BOD1L1: variants seen among roughly 807,000 people sequenced by gnomAD.
BOD1L1 encodes the protein biorientation of chromosomes in cell division 1 like 1.
BOD1L1 carries 86 observed loss-of-function variants against 240.7 expected under a neutral mutation model. The ratio of observed to expected loss-of-function variants is 0.36; its 90% confidence interval spans 0.30 to 0.43. The LOEUF is 0.43. Ranked by LOEUF, BOD1L1 falls within the 20% of genes least tolerant of loss-of-function variation. The pLI is 1.00. For missense variants in BOD1L1, 3,554 were observed against 3,643.5 expected (o/e 0.98, Z 0.63); for synonymous variants, 1,268 against 1,272.3 (o/e 1.00, Z 0.07).
chr4:13,582,336 A>G (rs768252476), intron 18 of BOD1L1, 26 bp from the exon 19 acceptor site: 1 of 1,589,804 alleles, frequency 6.3e-7, no homozygotes, highest in Admixed American at 1.7e-5. Flanking sequence ...AACTTTGTTC[A>G]ATGCTAGTGA....
chr4:13,572,439 T>C (rs766721195), intron 25 of BOD1L1, among the ~76,000 whole-genome samples: 1 of 152,204 alleles, frequency 6.6e-6, no homozygotes, highest in Non-Finnish European at 1.5e-5. Flanking sequence ...GCCTTGCCTT[T>C]GGTCTTGGTG....
chr4:13,600,891 C>T lies in BOD1L1; in HGVS notation c.6009G>A (p.Leu2003=). 1 of 1,613,950 alleles carries T rather than the reference C, an allele frequency of 6.2e-7. No homozygotes were observed. Among genetic ancestry groups the T allele is most frequent in the Admixed American group, 1.7e-5 (1 of 60,002 alleles). Residue 2003 remains leucine (L), a synonymous_variant, in exon 10 of 26, where the codon CTG becomes CTA. Transcript: ENST00000040738. ...CAAGAACATCGTAACTACCCCCGACCAGGCCAGTGGAAATAGTGGTATCTT... is the reference window on the plus strand; with the variant it reads ...CAAGAACATCGTAACTACCCCCGACTAGGCCAGTGGAAATAGTGGTATCTT... ...KVEDTTISTG[L]VGGSYDVLVS... is the part of the protein sequence containing the mutation.
intron 12 of BOD1L1, among the ~76,000 whole-genome samples, chr4:13,595,427 G>A (rs1714539982): frequency 6.6e-6 from 1 of 152,144 alleles, no homozygotes; most frequent in South Asian, 2.1e-4. Context: ...TACAAGCTGA[G>A]AGCAGTATCT....
chr4:13,625,405 G>A (rs2109005777), intron 1 of BOD1L1: 1 of 152,284 alleles, frequency 6.6e-6, no homozygotes, highest in East Asian at 1.9e-4. Flanking sequence ...CAGAGATACT[G>A]TGCTTCCCTC....
chr4:13,577,330 C>A, intron 24 of BOD1L1, 73 bp downstream of exon 24: 1 of 1,296,872 alleles, frequency 7.7e-7, no homozygotes, highest in South Asian at 1.4e-5. Flanking sequence ...GATTTTTCCT[C>A]ATTCAAAGAA....
In BOD1L1 at chr4:13,603,340, G is replaced by C. The variant is rs1715386489; in HGVS notation, c.3560C>G (p.Thr1187Arg). ...TAPAYKPGRG[T>R]GVNSNSEKHA... Reference sequence around the variant, plus strand: ...CTTTTCAGAATTACTATTAACTCCTGTTCCACGGCCTGGCTTATAAGCTGG... The same window carrying C: ...CTTTTCAGAATTACTATTAACTCCTCTTCCACGGCCTGGCTTATAAGCTGG... Residue 1187 changes from threonine (T) to arginine (R), a missense_variant, in exon 10 of 26, where the codon ACA (threonine) becomes AGA (arginine). Coordinates refer to ENST00000040738, the MANE Select transcript of BOD1L1 (RefSeq NM_148894.3). The C allele has an allele frequency of 1.2e-6, 2 of 1,613,962 alleles. No homozygotes were observed. The highest frequency in any genetic ancestry group is 8.5e-7 in the Non-Finnish European group (1 of 1,179,896).
intron 10 of BOD1L1, among the ~76,000 whole-genome samples, chr4:13,598,253 A>G (rs1012984838): frequency 1.3e-5 from 2 of 152,212 alleles, no homozygotes; most frequent in African/African-American, 4.8e-5. Flanking sequence ...GTTTCTTTTC[A>G]CTTTCAAATA....
chr4:13,577,320 G>T (rs937348942), intron 24 of BOD1L1, 83 bp downstream of exon 24: 3 of 1,166,608 alleles, frequency 2.6e-6, no homozygotes, highest in Non-Finnish European at 3.7e-6. Flanking sequence ...GTACCCATTG[G>T]ATTTTTCCTC....
At position 13,602,870 on chromosome 4, in the gene BOD1L1, T is replaced by G. The variant is rs957344568; in HGVS notation, c.4030A>C (p.Lys1344Gln). 1.2e-6 allele frequency: 2 copies of G among 1,614,050 alleles called. No individual in the cohort carries two copies. Among genetic ancestry groups the G allele is most frequent in the African/African-American group, 2.7e-5 (2 of 75,058 alleles). Reference protein sequence around the residue: ...ESEVLKTSDSKEGGEGFTVDT... With the variant: ...ESEVLKTSDSQEGGEGFTVDT... ...ACTGTGAAACCTTCACCACCTTCTT[T>G]GCTGTCACTTGTCTTAAGGACTTCT... Residue 1344 changes from lysine (K) to glutamine (Q), a missense_variant, in exon 10 of 26, where the codon AAA becomes CAA. This residue lies in a region of BOD1L1 where 3,393 missense variants were observed against 3,427.1 expected (regional missense o/e 0.99). Transcript: ENST00000040738.
At chr4:13,608,439 A>T in intron 8 of BOD1L1, 91 bp downstream of exon 8, 1 of 1,206,826 alleles carries the variant, frequency 8.3e-7, no homozygotes, top group Non-Finnish European at 1.1e-6. Context: ...ACACAACCAA[A>T]GTACAACTCT....
chr4:13,570,012 T>G lies in BOD1L1; in HGVS notation c.9155A>C (p.Ter3052SerextTer2), dbSNP rs184156653. ...EEAPVKKAKR[*>S] ...AGCCTAGGGCAGCAGTGGTCAGGAT[T>G]ATCGCTTCGCTTTTTTCACAGGGGC... Residue 3052 changes from the stop codon to serine, a stop_lost, in exon 26 of 26, where the codon TAA becomes TCA. Coordinates refer to ENST00000040738, the MANE Select transcript of BOD1L1 (RefSeq NM_148894.3). 2 of 1,597,414 alleles carry G rather than the reference T, an allele frequency of 1.3e-6. No individual in the cohort carries two copies. Among genetic ancestry groups the G allele is most frequent in the Non-Finnish European group, 8.5e-7 (1 of 1,173,286 alleles).
intron 9 of BOD1L1, among the ~76,000 whole-genome samples, chr4:13,606,595 T>C (rs1715718226): frequency 6.6e-6 from 1 of 152,202 alleles, no homozygotes; most frequent in South Asian, 2.1e-4. Flanking sequence ...ACCTAAGCGC[T>C]AAAATATAAG....
chr4:13,609,218 CATAAGTAAT>C, intron 7 of BOD1L1, 68 bp downstream of exon 7: 1 of 763,214 alleles, frequency 1.3e-6, no homozygotes. Context: ...ATTCATGTCT[CATAAGTAAT>C]ATAAGAGTAC....
chr4:13,597,621 GA>G (rs764200748), intron 10 of BOD1L1, among the ~76,000 whole-genome samples: 37 of 152,134 alleles, frequency 2.4e-4, no homozygotes, highest in Non-Finnish European at 4.7e-4. Context: ...TAGACAAAAA[GA>G]AAAAATTTTC....
chr4:13,601,432 T>A lies in BOD1L1; in HGVS notation c.5468A>T (p.Glu1823Val), dbSNP rs748874725. 14 of 1,613,932 alleles carry A rather than the reference T, an allele frequency of 8.7e-6. No homozygotes were observed. The highest frequency in any genetic ancestry group is 1.2e-5 in the Non-Finnish European group (14 of 1,179,912). Residue 1823 changes from glutamate (E) to valine (V), a missense_variant, in exon 10 of 26, where the codon GAA becomes GTA. Physicochemically the swap from Glu to Val is moderately radical, Grantham distance 121 (BLOSUM62 -2). Around this residue, in one of 2 missense-constraint regions of BOD1L1, gnomAD observed 3,393 missense variants for 3,427.1 expected, o/e 0.99. Coordinates refer to ENST00000040738, the MANE Select transcript of BOD1L1 (RefSeq NM_148894.3). ...SEGFAISSES[E>V]ENGESAMDST... The stretch of plus-strand genomic sequence containing the variant: ...GTCCATTGCACTCTCTCCATTTTCT[T>A]CCGATTCAGAACTTATAGCAAAGCC...
chr4:13,600,006 A>G lies in BOD1L1; in HGVS notation c.6894T>C (p.Ser2298=). ...GDTAMISTST[S]EGCEAVMIGA... ...CAATCATGACTGCTTCACACCCTTC[A>G]GAGGTGCTTGTGGAAATCATGGCGG... Residue 2298 remains serine, a synonymous_variant, in exon 10 of 26, where the codon TCT becomes TCC. Coordinates refer to ENST00000040738, the MANE Select transcript of BOD1L1 (RefSeq NM_148894.3). The G allele has an allele frequency of 6.2e-7, 1 of 1,610,418 alleles. No individual in the cohort carries two copies. The highest frequency in any genetic ancestry group is 1.1e-5 in the South Asian group (1 of 90,332).
At chr4:13,581,387 C>T (rs7698741) in intron 19 of BOD1L1, among the ~76,000 whole-genome samples, 180 bp from the exon 20 acceptor site, 145,051 of 152,260 alleles carry the variant, frequency 0.95, 69,504 homozygotes, top group East Asian at 1. Context: ...CTCACCATTG[C>T]TTCTTCAACC....
chr4:13,582,657 T>C lies in BOD1L1; in HGVS notation c.8513A>G (p.Glu2838Gly), dbSNP rs778447450. 5 of 1,609,760 alleles carry C rather than the reference T, an allele frequency of 3.1e-6. No individual in the cohort carries two copies. The African/African-American group carries it at 5.3e-5, about 17-fold the overall frequency. Residue 2838 changes from glutamate to glycine, a missense_variant, in exon 18 of 26, where the codon GAA (glutamate) becomes GGA (glycine). Physicochemically the swap from Glu to Gly is moderately conservative, Grantham distance 98. Transcript: ENST00000040738. The stretch of plus-strand genomic sequence containing the variant: ...CAAGCAGATATTTTACTCACCTTTT[T>C]CTTCCATGACCCTTGAGGTAGTGCT... Reference protein sequence around the residue: ...TNSTTSRVMEEKDEYSSSETT... With the variant: ...TNSTTSRVMEGKDEYSSSETT...
chr4:13,577,583 T>C lies in BOD1L1; in HGVS notation c.8798A>G (p.Asn2933Ser), dbSNP rs1712865913. ...TANLQERSIS[N>S]DDGEEKIVTS... is the part of the protein sequence containing the mutation. The stretch of plus-strand genomic sequence containing the variant: ...CTTGATAAGAAATTTAACACTTACA[T>C]TGCTTATACTTCTTTCTTGTAGGTT... The change falls in exon 23 of 26, where the codon AAT becomes AGT. Residue 2933 changes from asparagine to serine, a missense_variant and splice_region_variant. Physicochemically the swap from Asn to Ser is conservative, Grantham distance 46. Transcript: ENST00000040738. The C allele has an allele frequency of 3.8e-6, 6 of 1,573,958 alleles. No individual in the cohort carries two copies. In the African/African-American group the frequency reaches 8.1e-5, roughly 21 times the overall value.
Sources: allele counts gnomAD v4.1 joint callset (sites outside exome capture counted in the v4.1 genomes callset), GRCh38; gene constraint gnomAD v4.1.1; regional missense constraint gnomAD v4.1.1; transcripts MANE v1.5; gene names NCBI Gene and HGNC (gene_info 2026-07-23, HGNC 2026-07-21).